The following HS6ST3 variants were observed in gnomAD, a reference collection of about 807,000 sequenced individuals.
HS6ST3 encodes the protein heparan sulfate 6-O-sulfotransferase 3.
HS6ST3 carries 12 observed loss-of-function variants against 36.7 expected under a neutral mutation model. The ratio of observed to expected loss-of-function variants is 0.33; its 90% confidence interval spans 0.21 to 0.53. The LOEUF (loss-of-function observed/expected upper bound fraction) is 0.53. Among genes scored for constraint, HS6ST3 ranks in the 20% least tolerant of loss-of-function variants. The pLI, the probability that HS6ST3 is intolerant of heterozygous loss-of-function variation, is 0.95. For missense variants in HS6ST3, 584 were observed against 640.9 expected, an observed-to-expected ratio of 0.91 and a Z score of 0.96; for synonymous variants, 240 against 257.5, an observed-to-expected ratio of 0.93 and a Z score of 0.65.
Position 96,326,312 on chromosome 13 carries a change from T to A in HS6ST3, c.707+234743T>A, listed in dbSNP as rs539376308. On this transcript the variant is annotated intron_variant, in intron 1 of 1. Transcript: ENST00000376705. The stretch of plus-strand genomic sequence containing the variant: ...ATTTAACATTAGGTATATCTCCTAA[T>A]GCTATCCCTCCCCCCTCCCCCCACC... Among the ~76,000 whole-genome samples, 5 of 146,292 alleles carry A rather than the reference T, an allele frequency of 3.4e-5. No individual in the cohort carries two copies. In the East Asian group the frequency reaches 1.0e-3, roughly 31 times the overall value.
Position 96,254,480 on chromosome 13 carries a change from TATATATATATATATATATAC to T in HS6ST3, c.707+162913_707+162932del, listed in dbSNP as rs1368060355. ...ATATATATATATATATATATATATA[TATATATATATATATATATAC>T]ACATACATACACACACACACTTTTT... On this transcript the variant is annotated intron_variant, in intron 1 of 1. Transcript: ENST00000376705. Among the ~76,000 whole-genome samples the T allele has an allele frequency of 2.7e-3, 38 of 14,258 alleles. 1 individual carries two copies. Among genetic ancestry groups the T allele is most frequent in the African/African-American group, 8.0e-3 (38 of 4,726 alleles). 9.4% of individuals were successfully genotyped at this position (14,258 alleles called of 152,430 possible). A position where few individuals can be genotyped will look rare whatever the true frequency, so the allele number is the denominator to read the frequency against.
chr13:96,742,135 A>G (rs1441585744), intron 1 of HS6ST3, among the ~76,000 whole-genome samples: 2 of 152,150 alleles, frequency 1.3e-5, no homozygotes, highest in East Asian at 1.9e-4. Flanking sequence ...AATCCTACAT[A>G]ATATAAGTGG....
intron 1 of HS6ST3, among the ~76,000 whole-genome samples, chr13:96,637,773 T>C (rs990976399): frequency 2.0e-5 from 3 of 152,158 alleles, no homozygotes; most frequent in Non-Finnish European, 2.9e-5. Flanking sequence ...TCTTCCTCTC[T>C]AAATGGTAAT....
At chr13:96,616,808 G>A (rs2056475788) in intron 1 of HS6ST3, among the ~76,000 whole-genome samples, 1 of 152,190 alleles carries the variant, frequency 6.6e-6, no homozygotes, top group Non-Finnish European at 1.5e-5. Flanking sequence ...GGCTGGATCA[G>A]CATCTTATTA....
chr13:96,172,400 CTG>C (rs1276074239), intron 1 of HS6ST3, among the ~76,000 whole-genome samples: 1 of 152,190 alleles, frequency 6.6e-6, no homozygotes, highest in Non-Finnish European at 1.5e-5. Context: ...TTAAAAAGCC[CTG>C]TGAGTTCACC....
intron 1 of HS6ST3, among the ~76,000 whole-genome samples, chr13:96,573,111 G>A (rs1237584301): frequency 2.6e-5 from 4 of 152,160 alleles, no homozygotes; most frequent in African/African-American, 4.8e-5. Flanking sequence ...ACGACTAGAT[G>A]TGTAACATTG....
intron 1 of HS6ST3, among the ~76,000 whole-genome samples, chr13:96,613,891 A>G (rs545600272): frequency 8.0e-4 from 122 of 152,350 alleles, no homozygotes; most frequent in Non-Finnish European, 1.4e-3. Flanking sequence ...TTAAGCATCT[A>G]TTGATCACGA....
chr13:96,105,065 G>C (rs1159903026), intron 1 of HS6ST3, among the ~76,000 whole-genome samples: 4 of 51,022 alleles, frequency 7.8e-5, no homozygotes, highest in African/African-American at 1.9e-4. Flanking sequence ...GCATAAAGAT[G>C]GAAAAAAAAA....
chr13:96,519,415 C>T (rs190255012), intron 1 of HS6ST3, among the ~76,000 whole-genome samples: 2 of 152,220 alleles, frequency 1.3e-5, no homozygotes, highest in African/African-American at 4.8e-5. Context: ...TTTGAATGAC[C>T]GTATCTAAAC....
chr13:96,221,188 C>A (rs528187063), intron 1 of HS6ST3, among the ~76,000 whole-genome samples: 1 of 152,228 alleles, frequency 6.6e-6, no homozygotes. Context: ...CTTTGTGATA[C>A]TTCTGCTTTT....
chr13:96,639,923 C>T (rs2056564304), intron 1 of HS6ST3, among the ~76,000 whole-genome samples: 1 of 151,964 alleles, frequency 6.6e-6, no homozygotes, highest in African/African-American at 2.4e-5. Context: ...TTTAGTATTC[C>T]ATGACGTAAA....
chr13:96,563,116 C>A (rs1054131571), intron 1 of HS6ST3, among the ~76,000 whole-genome samples: 6 of 151,336 alleles, frequency 4.0e-5, no homozygotes, highest in Admixed American at 2.0e-4. Flanking sequence ...TCTTTTGACC[C>A]CAATTTAATT....
intron 1 of HS6ST3, among the ~76,000 whole-genome samples, chr13:96,271,231 C>T (rs934104428): frequency 5.9e-5 from 9 of 151,892 alleles, no homozygotes; most frequent in African/African-American, 1.9e-4. Context: ...CAAGCCATTA[C>T]ATAGCATTTA....
At chr13:96,749,653 C>T (rs1291428112) in intron 1 of HS6ST3, among the ~76,000 whole-genome samples, 4 of 151,980 alleles carry the variant, frequency 2.6e-5, no homozygotes, top group Admixed American at 6.6e-5. Context: ...TTGGTGTTGA[C>T]TTATAAAATT....
intron 1 of HS6ST3, among the ~76,000 whole-genome samples, chr13:96,324,245 A>G (rs2055019176): frequency 6.6e-6 from 1 of 152,230 alleles, no homozygotes; most frequent in Non-Finnish European, 1.5e-5. Context: ...AACATAACAT[A>G]TCTTTAAGAT....
At chr13:96,165,607 G>A (rs1346339179) in intron 1 of HS6ST3, among the ~76,000 whole-genome samples, 1 of 152,194 alleles carries the variant, frequency 6.6e-6, no homozygotes, top group African/African-American at 2.4e-5. Context: ...GTCAGCTGTG[G>A]CTGTGCTTCT....
At chr13:96,614,723 C>T (rs1384824997) in intron 1 of HS6ST3, among the ~76,000 whole-genome samples, 1 of 152,102 alleles carries the variant, frequency 6.6e-6, no homozygotes, top group African/African-American at 2.4e-5. Flanking sequence ...AATGTGTTAT[C>T]ATTTTACAGG....
At chr13:96,524,968 G>C (rs1427037713) in intron 1 of HS6ST3, among the ~76,000 whole-genome samples, 1 of 152,312 alleles carries the variant, frequency 6.6e-6, no homozygotes, top group Non-Finnish European at 1.5e-5. Context: ...GACTGGAGCT[G>C]TTCCTATTCG....
intron 1 of HS6ST3, among the ~76,000 whole-genome samples, chr13:96,553,207 G>T (rs2056226101): frequency 6.6e-6 from 1 of 152,108 alleles, no homozygotes; most frequent in South Asian, 2.1e-4. Flanking sequence ...CTGGCTTATA[G>T]CCCCTTCCTA....
Sources: allele counts gnomAD v4.1 joint callset (sites outside exome capture counted in the v4.1 genomes callset), GRCh38; gene constraint gnomAD v4.1.1; transcripts MANE v1.5; gene names NCBI Gene and HGNC (gene_info 2026-07-23, HGNC 2026-07-21).